The following AFG2A variants were observed in gnomAD, a reference collection of about 807,000 sequenced individuals.
AFG2A encodes the protein ATPase family gene 2 protein homolog A.
the AFG2A span, among the ~76,000 whole-genome samples, chr4:123,157,431 T>A: frequency 3.7e-4 from 56 of 152,194 alleles, no homozygotes; most frequent in Middle Eastern, 3.2e-3. Flanking sequence ...ACCCCCTACT[T>A]TGTATGGTTT....
At chr4:123,173,212 G>A in the AFG2A span, among the ~76,000 whole-genome samples, 1 of 151,874 alleles carries the variant, frequency 6.6e-6, no homozygotes, top group African/African-American at 2.4e-5. Context: ...ATACTATCTG[G>A]CTAATTTTGC....
the AFG2A span, among the ~76,000 whole-genome samples, chr4:123,073,101 A>G: frequency 1.3e-5 from 2 of 152,060 alleles, no homozygotes; most frequent in East Asian, 1.9e-4. Flanking sequence ...TATGTAATAC[A>G]TTATTATTAA....
At chr4:123,018,024 A>ATT in the AFG2A span, among the ~76,000 whole-genome samples, 1 of 151,048 alleles carries the variant, frequency 6.6e-6, no homozygotes, top group Non-Finnish European at 1.5e-5. Context: ...CCATAAAAGT[A>ATT]TTTTTTTTTC....
At chr4:123,027,333 A>G in the AFG2A span, among the ~76,000 whole-genome samples, 1 of 151,770 alleles carries the variant, frequency 6.6e-6, no homozygotes, top group African/African-American at 2.4e-5. Flanking sequence ...CCTCCCTCAA[A>G]TATTTTTTCT....
chr4:123,218,773 C>T, the AFG2A span, among the ~76,000 whole-genome samples: 1 of 152,024 alleles, frequency 6.6e-6, no homozygotes, highest in Non-Finnish European at 1.5e-5. Flanking sequence ...AAAGTTTTTG[C>T]ATTAAAGGAT....
chr4:122,927,206 G>T, the AFG2A span, among the ~76,000 whole-genome samples: 2 of 152,146 alleles, frequency 1.3e-5, no homozygotes, highest in Non-Finnish European at 2.9e-5. Context: ...AAGATCTGGT[G>T]ACCATAATGT....
chr4:123,184,598 G>A, the AFG2A span, among the ~76,000 whole-genome samples: 2 of 128,708 alleles, frequency 1.6e-5, no homozygotes, highest in Non-Finnish European at 3.2e-5. Context: ...GTGCAGTGGC[G>A]GGATCTCGGC....
At chr4:123,173,458 T>A in the AFG2A span, among the ~76,000 whole-genome samples, 2 of 148,808 alleles carry the variant, frequency 1.3e-5, no homozygotes, top group Non-Finnish European at 3.0e-5. Context: ...CAGGTTCAAA[T>A]GATTCTTCTG....
the AFG2A span, among the ~76,000 whole-genome samples, chr4:122,975,660 C>T: frequency 6.6e-6 from 1 of 152,076 alleles, no homozygotes; most frequent in South Asian, 2.1e-4. Flanking sequence ...AGTAGGGGAG[C>T]CTTGAATTGT....
chr4:123,275,016 G>A, the AFG2A span, among the ~76,000 whole-genome samples: 1 of 152,250 alleles, frequency 6.6e-6, no homozygotes, highest in African/African-American at 2.4e-5. Context: ...GAAAAAGTTT[G>A]TGTTCTGATT....
chr4:122,998,310 T>C, the AFG2A span, among the ~76,000 whole-genome samples: 3 of 152,138 alleles, frequency 2.0e-5, no homozygotes, highest in African/African-American at 7.2e-5. Context: ...TTCATTTTTT[T>C]AAATTTTATT....
chr4:123,221,180 G>A, the AFG2A span, among the ~76,000 whole-genome samples: 1 of 152,150 alleles, frequency 6.6e-6, no homozygotes, highest in African/African-American at 2.4e-5. Context: ...TTTTGAGACA[G>A]GGTCTCACTC....
At chr4:123,260,765 C>T in the AFG2A span, among the ~76,000 whole-genome samples, 1 of 152,166 alleles carries the variant, frequency 6.6e-6, no homozygotes, top group African/African-American at 2.4e-5. Context: ...GTCTTAAGCG[C>T]TCTACTTATT....
the AFG2A span, among the ~76,000 whole-genome samples, chr4:123,171,785 T>A: frequency 6.6e-6 from 1 of 152,124 alleles, no homozygotes; most frequent in South Asian, 2.1e-4. Flanking sequence ...TAAATGCTTT[T>A]CTAATATTTT....
chr4:123,256,088 AT>A, the AFG2A span: 1 of 1,614,124 alleles, frequency 6.2e-7, no homozygotes, highest in Non-Finnish European at 8.5e-7. Context: ...AAGAAGGGAA[AT>A]ATTTAAGCTG....
the AFG2A span, among the ~76,000 whole-genome samples, chr4:123,127,009 C>T: frequency 6.6e-5 from 10 of 152,194 alleles, no homozygotes; most frequent in Admixed American, 3.9e-4. Flanking sequence ...TCACTTAAGG[C>T]TAGGAGTTTG....
chr4:123,095,054 T>A, the AFG2A span, among the ~76,000 whole-genome samples: 323 of 34,726 alleles, frequency 9.3e-3, 1 homozygote, highest in African/African-American at 0.014. Flanking sequence ...TATATATATA[T>A]ATATATATAT....
the AFG2A span, among the ~76,000 whole-genome samples, chr4:123,274,317 G>A: frequency 6.6e-6 from 1 of 151,700 alleles, no homozygotes; most frequent in African/African-American, 2.4e-5. Context: ...ATGAATGAAA[G>A]ACCGAATGCA....
chr4:123,025,894 A>G, the AFG2A span, among the ~76,000 whole-genome samples: 1 of 152,196 alleles, frequency 6.6e-6, no homozygotes, highest in Non-Finnish European at 1.5e-5. Context: ...ATGTTACTTG[A>G]CCTAATTTTA....
Sources: gnomAD v4.1 joint callset for allele counts (sites outside exome capture counted in the v4.1 genomes callset) on GRCh38, gnomAD v4.1.1 for gene constraint, MANE v1.5 for transcripts, NCBI Gene and HGNC (gene_info 2026-07-23, HGNC 2026-07-21) for gene names.